Variants in TRPV3 observed in about 807,000 individuals in gnomAD.
TRPV3 encodes the protein transient receptor potential cation channel subfamily V member 3, also known as VRL-3.
Under a neutral mutation model 87.1 loss-of-function variants are expected in TRPV3, and 88 were observed. The ratio of observed to expected loss-of-function variants is 1.01; its 90% CI spans 0.85 to 1.21. TRPV3 has a LOEUF of 1.21. TRPV3 is among the 50% of genes most tolerant of loss of function. TRPV3 has a pLI of 0.00. For missense variants in TRPV3, 1,054 were observed against 1,030.1 expected, an observed-to-expected ratio of 1.02 and a Z score of -0.32; for synonymous variants, 438 against 423.3, an observed-to-expected ratio of 1.03 and a Z score of -0.43.
At chr17:3,514,711 CCTCA>C in intron 16 of TRPV3, 39 bp from the exon 17 acceptor site, 1 of 1,483,978 alleles carries the variant, frequency 6.7e-7, no homozygotes, top group Non-Finnish European at 9.4e-7. Context: ...TTCACCAGTG[CCTCA>C]CTGAGTACTA....
chr17:3,529,054 T>C (rs969268320), intron 9 of TRPV3, 59 bp from the exon 10 acceptor site: 2 of 1,596,352 alleles, frequency 1.3e-6, no homozygotes, highest in Non-Finnish European at 1.7e-6. Context: ...GGGACCGTTT[T>C]CTAAAGGCCT....
rs140087864 is a variant in TRPV3, at chr17:3,551,791, C to T, written c.119+2941G>A. Among the ~76,000 whole-genome samples, 651 of 151,412 alleles carry T rather than the reference C, an allele frequency of 4.3e-3. 5 individuals carry two copies. Among genetic ancestry groups the T allele is most frequent in the African/African-American group, 0.014 (599 of 41,450 alleles). On this transcript the variant is annotated intron_variant, in intron 2 of 17. Coordinates refer to ENST00000576742, the MANE Select transcript of TRPV3 (RefSeq NM_145068.4). ...CAAAAGTGTCTCCTATCTCCAGACT[C>T]CCTGGTGCCTTTGATTCCACCATTA... is the stretch of plus-strand genomic sequence containing the variant.
chr17:3,536,760 C>T (rs989289515), intron 6 of TRPV3, among the ~76,000 whole-genome samples: 5 of 151,952 alleles, frequency 3.3e-5, no homozygotes, highest in Admixed American at 1.3e-4. Context: ...TCAGCCCTGG[C>T]GGTGGGTGAA....
intron 6 of TRPV3, chr17:3,539,529 A>G (rs2074440344): frequency 6.6e-6 from 1 of 152,088 alleles, no homozygotes; most frequent in African/African-American, 2.4e-5. Flanking sequence ...GCACGCATCT[A>G]TAGTCCCAGC....
At chr17:3,546,974 A>AAAAAAAAACAAAC (rs1478158153) in intron 2 of TRPV3, among the ~76,000 whole-genome samples, 2 of 151,884 alleles carry the variant, frequency 1.3e-5, no homozygotes, top group African/African-American at 4.8e-5. Flanking sequence ...TCTCAAAAAA[A>AAAAAAAAACAAAC]AAAAACTGGG....
intron 14 of TRPV3, 147 bp downstream of exon 14, chr17:3,520,826 G>A (rs2074238584): frequency 4.5e-6 from 2 of 442,830 alleles, no homozygotes; most frequent in South Asian, 6.9e-5. Context: ...TATATATAAA[G>A]GTAATGCTTG....
intron 12 of TRPV3, 102 bp from the exon 13 acceptor site, chr17:3,524,465 C>A: frequency 6.9e-7 from 1 of 1,447,972 alleles, no homozygotes; most frequent in Non-Finnish European, 9.4e-7. Flanking sequence ...TGAACAGTCA[C>A]CCCGGTGACG....
intron 2 of TRPV3, among the ~76,000 whole-genome samples, chr17:3,545,624 C>G (rs1476173645): frequency 2.0e-5 from 3 of 151,324 alleles, no homozygotes; most frequent in Non-Finnish European, 2.9e-5. Context: ...CTCCTCTGAA[C>G]AAGATTCTGA....
chr17:3,536,991 A>G (rs1341991356), intron 6 of TRPV3, among the ~76,000 whole-genome samples: 1 of 152,240 alleles, frequency 6.6e-6, no homozygotes, highest in Non-Finnish European at 1.5e-5. Flanking sequence ...GACACATTAG[A>G]AAGTTTGTTT....
Position 3,518,731 on chromosome 17 carries a change from T to A in TRPV3, c.1930A>T (p.Ile644Phe). 6.2e-7 allele frequency: 1 copy of A among 1,613,740 alleles called. No homozygotes were observed. The highest frequency in any genetic ancestry group is 1.1e-5 in the South Asian group (1 of 90,926). ...ATGGGATACTTGGAGTTCTGCTGGA[T>A]GTTCAGGTCACCCAGGCCTATGGTG... ...KLTIGLGDLN[I>F]QQNSKYPILF... Residue 644 changes from isoleucine (I) to phenylalanine (F), a missense_variant, in exon 15 of 18, where the codon ATC becomes TTC. Transcript: ENST00000576742. This position sits in a 1 kb window ranked among gnomAD's most constrained non-coding sequence, Gnocchi z 4.3.
At chr17:3,515,800 C>T (rs1309268359) in intron 16 of TRPV3, among the ~76,000 whole-genome samples, 2 of 152,166 alleles carry the variant, frequency 1.3e-5, no homozygotes, top group Non-Finnish European at 2.9e-5. Context: ...GGAACTCACA[C>T]AGGGTAAACA....
chr17:3,520,161 A>G (rs1230683224), intron 14 of TRPV3, among the ~76,000 whole-genome samples: 2 of 151,712 alleles, frequency 1.3e-5, no homozygotes, highest in East Asian at 2.0e-4. Flanking sequence ...TCAAATGTCA[A>G]TGGTCACTGA....
chr17:3,541,992 C>T (rs2074466998), intron 6 of TRPV3, among the ~76,000 whole-genome samples: 1 of 152,194 alleles, frequency 6.6e-6, no homozygotes, highest in South Asian at 2.1e-4. Flanking sequence ...TGGAGTCCCG[C>T]TCTGTCACTA....
chr17:3,524,539 TAG>T (rs1172283359), intron 12 of TRPV3, among the ~76,000 whole-genome samples, 176 bp from the exon 13 acceptor site: 1 of 152,098 alleles, frequency 6.6e-6, no homozygotes, highest in Non-Finnish European at 1.5e-5. Context: ...ATTCAGCCTG[TAG>T]AGACATCACC....
At chr17:3,525,175 A>T (rs754017591) in intron 12 of TRPV3, among the ~76,000 whole-genome samples, 34 of 152,066 alleles carry the variant, frequency 2.2e-4, no homozygotes, top group Non-Finnish European at 4.6e-4. Flanking sequence ...ACCCGCCACC[A>T]CACCAGGCTC....
rs980444152 is a variant in TRPV3 at position 3,542,515 on chromosome 17, A to C, written c.643+7T>G. ...CTGTCTGCACAGCCCCTCTGCAGGC[A>C]GGATACCTTCATAGGCCTCCTCTGT... is the stretch of plus-strand genomic sequence containing the variant. On this transcript the variant is annotated splice_region_variant and intron_variant, in intron 6 of 17. Transcript: ENST00000576742. 3.7e-6 allele frequency: 6 copies of C among 1,612,220 alleles called. No homozygotes were observed. The highest frequency in any genetic ancestry group is 5.1e-6 in the Non-Finnish European group (6 of 1,179,044).
intron 2 of TRPV3, among the ~76,000 whole-genome samples, chr17:3,550,291 C>T (rs934977868): frequency 2.0e-5 from 3 of 152,068 alleles, no homozygotes; most frequent in African/African-American, 7.2e-5. Flanking sequence ...CCCTACCTCC[C>T]TACCTACTCA....
In TRPV3 at chr17:3,513,833, C is replaced by T. The variant is rs146188912; in HGVS notation, c.*84G>A. On this transcript the variant is annotated 3_prime_UTR_variant, in exon 18 of 18. Transcript: ENST00000576742. Reference sequence around the variant, plus strand: ...GGCCAGCAGAGCCGGACTCCACCATCCCTCAAAGCCTCTCTGCACAGAGTC... The same window carrying T: ...GGCCAGCAGAGCCGGACTCCACCATTCCTCAAAGCCTCTCTGCACAGAGTC... The T allele has an allele frequency of 8.0e-4, 961 of 1,199,244 alleles. 4 individuals are homozygous for T. In the African/African-American group the frequency reaches 0.011, roughly 13 times the overall value. 74.3% of individuals were successfully genotyped at this position (1,199,244 alleles called of 1,614,324 possible). A position where few individuals can be genotyped will look rare whatever the true frequency, so the allele number is the denominator to read the frequency against.
At chr17:3,531,170 T>C (rs552174100) in intron 8 of TRPV3, among the ~76,000 whole-genome samples, 214 of 152,316 alleles carry the variant, frequency 1.4e-3, no homozygotes, top group Non-Finnish European at 4.3e-4. Flanking sequence ...TGAAGCTTCC[T>C]GGTTGGCTCC....
Sources: allele counts gnomAD v4.1 joint callset (sites outside exome capture counted in the v4.1 genomes callset), GRCh38; gene constraint gnomAD v4.1.1; non-coding constraint Gnocchi (gnomAD v3.1); transcripts MANE v1.5; gene names NCBI Gene and HGNC (gene_info 2026-07-23, HGNC 2026-07-21).